GARRE1: variants seen among roughly 807,000 people sequenced by gnomAD.
GARRE1 encodes granule associated Rac and RHOG effector protein 1.
GARRE1 carries 49 observed loss-of-function variants against 103.2 expected under a neutral mutation model. That is an observed-to-expected ratio of 0.47 (90% confidence interval 0.38 to 0.60). The LOEUF is 0.60. Among genes scored for constraint, GARRE1 ranks in the 20% least tolerant of loss-of-function variants. GARRE1 has a pLI of 0.00. For synonymous variants in GARRE1, 505 were observed against 532.8 expected (o/e 0.95, Z 0.72); for missense variants, 1,199 against 1,370.5 (o/e 0.87, Z 1.98).
At chr19:34,317,822 G>C (rs903017272) in intron 2 of GARRE1, among the ~76,000 whole-genome samples, 1 of 152,230 alleles carries the variant, frequency 6.6e-6, no homozygotes, top group Admixed American at 6.5e-5. Context: ...GCATTGGTCA[G>C]GTACAGGCTG....
chr19:34,349,776 C>T (rs1003779119), intron 12 of GARRE1, among the ~76,000 whole-genome samples: 5 of 152,080 alleles, frequency 3.3e-5, no homozygotes, highest in Admixed American at 2.0e-4. Flanking sequence ...GAGTGGGAGG[C>T]CGGGTTACTT....
chr19:34,296,261 T>A, intron 1 of GARRE1: 1 of 665,186 alleles, frequency 1.5e-6, no homozygotes, highest in Non-Finnish European at 2.7e-6. Flanking sequence ...TTCTCACATT[T>A]GTAGACAGAG....
chr19:34,328,151 G>A lies in GARRE1; in HGVS notation c.1104G>A (p.Thr368=). ...CCGCCGACAATCTGAAACTTAAGAC[G>A]GTAGCTTTCCATGGGGTTCCAGCAA... ...ESAADNLKLK[T]HTMLQLMKEA... The change falls in exon 6 of 14, where the codon ACG becomes ACA. Residue 368 remains threonine (T), a splice_region_variant and synonymous_variant. Transcript: ENST00000299505. 1.2e-6 allele frequency: 2 copies of A among 1,613,200 alleles called. No individual in the cohort carries two copies. The highest frequency in any genetic ancestry group is 1.7e-6 in the Non-Finnish European group (2 of 1,179,760).
chr19:34,278,080 G>A (rs907558616), intron 1 of GARRE1, among the ~76,000 whole-genome samples: 1 of 151,818 alleles, frequency 6.6e-6, no homozygotes, highest in African/African-American at 2.4e-5. Context: ...CATTTCAGTG[G>A]CATAAGTACA....
chr19:34,275,616 C>A (rs2073812506), intron 1 of GARRE1, among the ~76,000 whole-genome samples: 1 of 152,078 alleles, frequency 6.6e-6, no homozygotes, highest in South Asian at 2.1e-4. Flanking sequence ...TTTGTTTGTC[C>A]ATTTGTCAAT....
chr19:34,334,181 A>G (rs966058862), intron 8 of GARRE1, among the ~76,000 whole-genome samples: 6 of 152,190 alleles, frequency 3.9e-5, no homozygotes, highest in South Asian at 2.1e-4. Context: ...CTCTGTTCCA[A>G]CTACAATCCT....
Position 34,300,778 on chromosome 19 carries a change from G to C in GARRE1, c.305G>C (p.Ser102Thr), listed in dbSNP as rs1435971246. 2.5e-6 allele frequency: 4 copies of C among 1,614,092 alleles called. No homozygotes were observed. The highest frequency in any genetic ancestry group is 3.4e-6 in the Non-Finnish European group (4 of 1,180,034). ...RASTFLTDLFSTVFRNSHYSK... is the reference protein window; with the variant it reads ...RASTFLTDLFTTVFRNSHYSK... ...AGTACTTTCCTCACAGATCTCTTCA[G>C]CACTGTGTTCAGGAACTCTCACTAC... Residue 102 changes from serine to threonine, a missense_variant, in exon 2 of 14, where the codon AGC (serine) becomes ACC (threonine). Transcript: ENST00000299505.
At chr19:34,284,349 T>G (rs2073874096) in intron 1 of GARRE1, among the ~76,000 whole-genome samples, 1 of 152,114 alleles carries the variant, frequency 6.6e-6, no homozygotes, top group South Asian at 2.1e-4. Context: ...GGTCTCAAAC[T>G]CCTGGCCTCA....
At chr19:34,319,797 T>G in intron 2 of GARRE1, 110 bp from the exon 3 acceptor site, 1 of 919,628 alleles carries the variant, frequency 1.1e-6, no homozygotes, top group East Asian at 2.4e-5. Context: ...TGTATGATTT[T>G]GGATTTCCAG....
intron 2 of GARRE1, among the ~76,000 whole-genome samples, chr19:34,314,132 CAA>C (rs1156800876): frequency 6.6e-6 from 1 of 152,198 alleles, no homozygotes; most frequent in East Asian, 1.9e-4. Flanking sequence ...AAAAATTACT[CAA>C]GAGTAATTAA....
intron 2 of GARRE1, among the ~76,000 whole-genome samples, chr19:34,318,150 A>G (rs755525376): frequency 1.3e-5 from 2 of 152,172 alleles, no homozygotes; most frequent in African/African-American, 2.4e-5. Flanking sequence ...TTCGGAGATA[A>G]TAAGTGTCTT....
intron 3 of GARRE1, among the ~76,000 whole-genome samples, chr19:34,327,194 A>C (rs2074115679): frequency 6.7e-6 from 1 of 150,040 alleles, no homozygotes; most frequent in South Asian, 2.1e-4. Flanking sequence ...TAATAAAATA[A>C]AAAATAAAGG....
At chr19:34,318,660 A>G (rs1353183002) in intron 2 of GARRE1, among the ~76,000 whole-genome samples, 1 of 152,238 alleles carries the variant, frequency 6.6e-6, no homozygotes, top group Non-Finnish European at 1.5e-5. Context: ...TGGGCAAAAC[A>G]ACTATGAGAA....
intron 2 of GARRE1, among the ~76,000 whole-genome samples, chr19:34,304,519 G>A (rs577310349): frequency 3.2e-4 from 48 of 151,888 alleles, no homozygotes; most frequent in African/African-American, 1.1e-3. Context: ...GGGACTGCAG[G>A]CACGTGCCAC....
At chr19:34,305,260 A>G (rs749024360) in intron 2 of GARRE1, among the ~76,000 whole-genome samples, 20 of 152,158 alleles carry the variant, frequency 1.3e-4, no homozygotes, top group Non-Finnish European at 1.6e-4. Context: ...TACCGTCTGT[A>G]CATGCATGGA....
At chr19:34,266,811 CCTT>C (rs34866139) in intron 1 of GARRE1, among the ~76,000 whole-genome samples, 78,487 of 151,600 alleles carry the variant, frequency 0.52, 21,918 homozygotes, top group Non-Finnish European at 0.63. Context: ...TTTATATAAT[CCTT>C]CTCCATAGTG....
At chr19:34,321,017 T>G (rs1182030809) in intron 3 of GARRE1, among the ~76,000 whole-genome samples, 4 of 148,306 alleles carry the variant, frequency 2.7e-5, no homozygotes, top group Non-Finnish European at 3.0e-5. Context: ...GTGCTGGGAT[T>G]ACAGGCATTA....
At chr19:34,347,808 C>A in intron 10 of GARRE1, 69 bp from the exon 11 acceptor site, 1 of 1,381,096 alleles carries the variant, frequency 7.2e-7, no homozygotes, top group Non-Finnish European at 9.7e-7. Context: ...AGCACGTTAG[C>A]AAAGCGTAGG....
At chr19:34,323,431 A>G (rs2591848) in intron 3 of GARRE1, among the ~76,000 whole-genome samples, 22,616 of 152,018 alleles carry the variant, frequency 0.15, 2,021 homozygotes, top group Non-Finnish European at 0.21. Flanking sequence ...TATTATTTCA[A>G]TTTCATGCCA....
Sources: allele counts gnomAD v4.1 joint callset (sites outside exome capture counted in the v4.1 genomes callset), GRCh38; gene constraint gnomAD v4.1.1; transcripts MANE v1.5; gene names NCBI Gene and HGNC (gene_info 2026-07-23, HGNC 2026-07-21).